Variants in MIS18BP1 observed in about 807,000 individuals in gnomAD.
The protein encoded by MIS18BP1 is MIS18 binding protein 1, also known as mis18-binding protein 1.
MIS18BP1 carries 72 observed loss-of-function variants against 116.1 expected under a neutral mutation model. That is an observed-to-expected ratio of 0.62 (90% CI 0.51 to 0.75). The LOEUF (loss-of-function observed/expected upper bound fraction) is 0.75. Among genes scored for constraint, MIS18BP1 ranks in the 30% least tolerant of loss-of-function variants. The pLI is 0.00. For synonymous variants in MIS18BP1, 386 were observed against 427.0 expected (o/e 0.90, Z 1.18); for missense variants, 1,363 against 1,303.2 (o/e 1.05, Z -0.71).
intron 11 of MIS18BP1, among the ~76,000 whole-genome samples, chr14:45,220,266 A>C (rs1489106978): frequency 6.6e-6 from 1 of 151,956 alleles, no homozygotes. Context: ...CCATTCTTTC[A>C]GTATTTCCAA....
rs1566823470 is a variant in MIS18BP1 at position 45,246,909 on chromosome 14, C to T, written c.378G>A (p.Lys126=). 2 of 1,608,782 alleles carry T rather than the reference C, an allele frequency of 1.2e-6. No homozygotes were observed. Among genetic ancestry groups the T allele is most frequent in the Non-Finnish European group, 1.7e-6 (2 of 1,178,894 alleles). The part of the protein sequence containing the change: ...LRMKEKVLRD[K]QEQPSRNSSL... ...TACTGTTTCTTGATGGCTGTTCTTG[C>T]TTGTCACGCAGTACTTTTTCTTTCA... Residue 126 remains lysine (K), a synonymous_variant, in exon 2 of 17, where the codon AAG becomes AAA. Coordinates refer to ENST00000310806, the MANE Select transcript of MIS18BP1 (RefSeq NM_018353.5).
intron 4 of MIS18BP1, among the ~76,000 whole-genome samples, chr14:45,239,531 A>C (rs1007234244): frequency 5.9e-5 from 9 of 152,224 alleles, no homozygotes; most frequent in African/African-American, 2.2e-4. Context: ...GAGAGGGAAT[A>C]AGTGGTGAGG....
At position 45,210,532 on chromosome 14, in the gene MIS18BP1, G is replaced by C. The variant is rs1356985214; in HGVS notation, c.3004-4C>G. On this transcript the variant is annotated splice_polypyrimidine_tract_variant and splice_region_variant and intron_variant, in intron 13 of 16. Transcript: ENST00000310806. ...CACTGTCCTGGAAACTTGGCAACTA[G>C]AAAACAAGTATTTATTATCAGCAGG... 8 of 1,613,584 alleles carry C rather than the reference G, an allele frequency of 5.0e-6. No individual in the cohort carries two copies. Among genetic ancestry groups the C allele is most frequent in the Middle Eastern group, 1.7e-4 (1 of 6,060 alleles).
intron 2 of MIS18BP1, among the ~76,000 whole-genome samples, chr14:45,245,773 T>C (rs1284793493): frequency 6.6e-6 from 1 of 152,228 alleles, no homozygotes; most frequent in South Asian, 2.1e-4. Context: ...TCTAATCTCA[T>C]TGCTTTTAAA....
intron 1 of MIS18BP1, among the ~76,000 whole-genome samples, chr14:45,251,597 T>C (rs904531118): frequency 3.3e-5 from 5 of 151,760 alleles, no homozygotes; most frequent in African/African-American, 1.2e-4. Context: ...AGGGGGAAAA[T>C]AGAATTTTAA....
chr14:45,216,707 G>A (rs1470860154), intron 13 of MIS18BP1, among the ~76,000 whole-genome samples: 1 of 152,004 alleles, frequency 6.6e-6, no homozygotes, highest in Non-Finnish European at 1.5e-5. Context: ...TTACTACACA[G>A]TATCTTTTAT....
At chr14:45,217,406 A>G (rs1291912517) in intron 12 of MIS18BP1, among the ~76,000 whole-genome samples, 1 of 152,160 alleles carries the variant, frequency 6.6e-6, no homozygotes, top group Non-Finnish European at 1.5e-5. Context: ...TGGGCAATAT[A>G]GTGAGACCCC....
rs774352260 is a variant in MIS18BP1 at position 45,235,991 on chromosome 14, A to T, written c.1218-47T>A. The T allele has an allele frequency of 6.7e-6, 10 of 1,485,360 alleles. No homozygotes were observed. The East Asian group carries it at 2.3e-4, about 34-fold the overall frequency. The allele number at this position is 1,485,360 out of a possible 1,614,324, so 92.0% of individuals were successfully genotyped here. On this transcript the variant is annotated intron_variant, in intron 5 of 16. Transcript: ENST00000310806. ...GGTAAGGTCAAAATATTCATATAGA[A>T]ATTTCTAACAGAAAATAATTTTACA...
intron 13 of MIS18BP1, among the ~76,000 whole-genome samples, chr14:45,212,943 C>CT (rs1466008939): frequency 6.6e-6 from 1 of 152,214 alleles, no homozygotes; most frequent in East Asian, 1.9e-4. Flanking sequence ...AGAGTACTTT[C>CT]TTTCCTTTGC....
chr14:45,209,151 CTT>C (rs904324299), intron 14 of MIS18BP1, among the ~76,000 whole-genome samples: 4 of 151,378 alleles, frequency 2.6e-5, no homozygotes, highest in African/African-American at 7.3e-5. Context: ...TTTATAAAGA[CTT>C]AATCTAATAA....
intron 11 of MIS18BP1, among the ~76,000 whole-genome samples, chr14:45,223,280 A>G (rs1182428738): frequency 6.6e-6 from 1 of 152,006 alleles, no homozygotes; most frequent in African/African-American, 2.4e-5. Flanking sequence ...AAACTTTACT[A>G]TTTATAACAC....
intron 10 of MIS18BP1, among the ~76,000 whole-genome samples, chr14:45,225,216 G>A (rs1891092586): frequency 1.3e-5 from 2 of 151,954 alleles, no homozygotes; most frequent in African/African-American, 4.8e-5. Flanking sequence ...CCCACCTAGT[G>A]TACAAACTTG....
chr14:45,245,141 C>T (rs1337189347), intron 2 of MIS18BP1, among the ~76,000 whole-genome samples: 1 of 152,168 alleles, frequency 6.6e-6, no homozygotes, highest in African/African-American at 2.4e-5. Context: ...GCAATGTTTT[C>T]GTTGCTACCA....
At chr14:45,222,428 AAC>A (rs1490248968) in intron 11 of MIS18BP1, among the ~76,000 whole-genome samples, 1 of 152,178 alleles carries the variant, frequency 6.6e-6, no homozygotes, top group Non-Finnish European at 1.5e-5. Context: ...ACTTAACTTC[AAC>A]AGTCTACTTA....
chr14:45,241,858 T>C (rs1342868806), intron 4 of MIS18BP1, 176 bp downstream of exon 4: 1 of 668,732 alleles, frequency 1.5e-6, no homozygotes, highest in Non-Finnish European at 2.4e-6. Context: ...CTTTTCACTA[T>C]GTCACACTGT....
At chr14:45,209,086 C>G (rs1327567282) in intron 14 of MIS18BP1, among the ~76,000 whole-genome samples, 2 of 152,054 alleles carry the variant, frequency 1.3e-5, no homozygotes, top group Non-Finnish European at 2.9e-5. Context: ...CTCCTTCCTC[C>G]AGCTACCTTA....
At position 45,224,688 on chromosome 14, in the gene MIS18BP1, G is replaced by T. The variant is rs767528411; in HGVS notation, c.1899C>A (p.Phe633Leu). 1 of 1,609,198 alleles carries T rather than the reference G, an allele frequency of 6.2e-7. No individual in the cohort carries two copies. The highest frequency in any genetic ancestry group is 8.5e-7 in the Non-Finnish European group (1 of 1,178,744). The change falls in exon 11 of 17, where the codon TTC (phenylalanine) becomes TTA (leucine). Residue 633 changes from phenylalanine to leucine, a missense_variant. Physicochemically the swap from Phe to Leu is conservative, Grantham distance 22. Coordinates refer to ENST00000310806, the MANE Select transcript of MIS18BP1 (RefSeq NM_018353.5). ...IDILTSREQF[F>L]SDEERKYMAI... ...CCATGTATTTTCTTTCTTCATCTGA[G>T]AAAAACTGTTCCCTTGAGGTTAGAA...
chr14:45,234,822 G>C (rs1891379024), intron 6 of MIS18BP1, among the ~76,000 whole-genome samples: 1 of 152,198 alleles, frequency 6.6e-6, no homozygotes, highest in Admixed American at 6.5e-5. Flanking sequence ...GACTGGGGTG[G>C]TGCCAGGTGG....
intron 4 of MIS18BP1, among the ~76,000 whole-genome samples, 184 bp from the exon 5 acceptor site, chr14:45,237,905 GA>G (rs1594522294): frequency 6.6e-6 from 1 of 151,986 alleles, no homozygotes; most frequent in Admixed American, 6.6e-5. Flanking sequence ...CAATGAAACA[GA>G]AAAGAAAAGA....
Sources: allele counts gnomAD v4.1 joint callset (sites outside exome capture counted in the v4.1 genomes callset), GRCh38; gene constraint gnomAD v4.1.1; transcripts MANE v1.5; gene names NCBI Gene and HGNC (gene_info 2026-07-23, HGNC 2026-07-21).